The following FYN variants were observed in gnomAD, a reference collection of about 807,000 sequenced individuals.
FYN encodes FYN proto-oncogene, Src family tyrosine kinase.
Under a neutral mutation model 70.2 loss-of-function variants are expected in FYN, and 10 were observed. That is an observed-to-expected ratio of 0.14 (90% CI 0.09 to 0.24). The LOEUF is 0.24. Ranked by LOEUF, FYN falls within the 10% of genes least tolerant of loss-of-function variation. FYN has a pLI of 1.00. For synonymous variants in FYN, 236 were observed against 248.6 expected, an observed-to-expected ratio of 0.95 and a Z score of 0.48; for missense variants, 319 against 673.1, an observed-to-expected ratio of 0.47 and a Z score of 5.82.
intron 2 of FYN, among the ~76,000 whole-genome samples, chr6:111,799,371 T>C (rs1007001031): frequency 8.6e-5 from 13 of 151,950 alleles, no homozygotes; most frequent in Admixed American, 2.6e-4. Flanking sequence ...GAGGTGGAAA[T>C]AGAGGTGGGG....
At chr6:111,715,824 G>A (rs943855751) in intron 4 of FYN, among the ~76,000 whole-genome samples, 2 of 152,192 alleles carry the variant, frequency 1.3e-5, no homozygotes, top group African/African-American at 4.8e-5. Context: ...CACAGAAACT[G>A]TAAATTTAGG....
chr6:111,794,036 C>T (rs938648622), intron 2 of FYN: 1 of 152,338 alleles, frequency 6.6e-6, no homozygotes, highest in Non-Finnish European at 1.5e-5. Flanking sequence ...CTGTGGAGAC[C>T]TCACTCACCC....
chr6:111,814,816 C>T (rs1356911443), intron 2 of FYN, among the ~76,000 whole-genome samples: 1 of 152,172 alleles, frequency 6.6e-6, no homozygotes, highest in Non-Finnish European at 1.5e-5. Flanking sequence ...GGAAGTTCTA[C>T]TCTATATGGG....
At chr6:111,715,446 C>T (rs1800589699) in intron 4 of FYN, among the ~76,000 whole-genome samples, 2 of 152,146 alleles carry the variant, frequency 1.3e-5, no homozygotes, top group Admixed American at 1.3e-4. Flanking sequence ...CTCGTGCAAG[C>T]CCCTCCCCTT....
At chr6:111,710,298 C>A (rs895875289) in intron 5 of FYN, among the ~76,000 whole-genome samples, 1 of 152,152 alleles carries the variant, frequency 6.6e-6, no homozygotes, top group Non-Finnish European at 1.5e-5. Flanking sequence ...TCAATAGGGG[C>A]GGGAAGCCAA....
At position 111,714,387 on chromosome 6, in the gene FYN, T is replaced by C. The variant is rs1334899277; in HGVS notation, c.304A>G (p.Ser102Gly). ...DYEARTEDDL[S>G]FHKGEKFQIL... ...TGAAATTTTTCTCCTTTGTGAAAAC[T>C]CAGGTCATCTTCTGTCCGTGCTTCA... is the stretch of plus-strand genomic sequence containing the variant. Residue 102 changes from serine to glycine, a missense_variant, in exon 5 of 14, where the codon AGT (serine) becomes GGT (glycine). Physicochemically the swap from Ser to Gly is moderately conservative, Grantham distance 56 (BLOSUM62 0). Coordinates refer to ENST00000354650, the MANE Select transcript of FYN (RefSeq NM_002037.5). The C allele has an allele frequency of 2.5e-6, 4 of 1,614,098 alleles. No homozygotes were observed. The highest frequency in any genetic ancestry group is 3.4e-6 in the Non-Finnish European group (4 of 1,180,000).
chr6:111,786,652 A>G (rs945140866), intron 2 of FYN, among the ~76,000 whole-genome samples: 1 of 152,228 alleles, frequency 6.6e-6, no homozygotes, highest in Non-Finnish European at 1.5e-5. Flanking sequence ...TGTCTTTCAC[A>G]ATGGTTGAAC....
chr6:111,863,521 G>C (rs1774022496), intron 1 of FYN, among the ~76,000 whole-genome samples: 1 of 152,188 alleles, frequency 6.6e-6, no homozygotes, highest in Admixed American at 6.5e-5. Flanking sequence ...ACTTTCTGGG[G>C]ATTAAAAGAA....
intron 1 of FYN, among the ~76,000 whole-genome samples, chr6:111,849,410 C>T (rs900165326): frequency 6.6e-6 from 1 of 152,218 alleles, no homozygotes; most frequent in African/African-American, 2.4e-5. Flanking sequence ...CCGTCACCCC[C>T]CTGCACTGTT....
chr6:111,830,903 TTTGTAGACA>T (rs57448567), intron 2 of FYN, among the ~76,000 whole-genome samples: 7,170 of 151,998 alleles, frequency 0.047, 278 homozygotes, highest in East Asian at 0.14. Flanking sequence ...TAAAGATGGA[TTTGTAGACA>T]TTGTAGACAC....
rs913437652 is a variant in FYN, at chr6:111,694,145, TACCCACCC to T, written c.1273+222_1273+229del. Among the ~76,000 whole-genome samples, 4 of 152,026 alleles carry T rather than the reference TACCCACCC, an allele frequency of 2.6e-5. No homozygotes were observed. Among genetic ancestry groups the T allele is most frequent in the African/African-American group, 9.7e-5 (4 of 41,408 alleles). ...AGAGGACCACAGCAGCAAATACCAA[TACCCACCC>T]ACCCACCAAAAACCAATATCTCATC... On this transcript the variant is annotated intron_variant, in intron 12 of 13. Transcript: ENST00000354650. This position sits in a 1 kb window ranked among gnomAD's most constrained non-coding sequence, Gnocchi z 5.0.
intron 2 of FYN, among the ~76,000 whole-genome samples, chr6:111,840,474 A>C (rs1050395268): frequency 6.6e-6 from 1 of 152,210 alleles, no homozygotes; most frequent in Non-Finnish European, 1.5e-5. Flanking sequence ...CCATCTCTGA[A>C]GGTATCGTGG....
intron 12 of FYN, chr6:111,676,360 A>G (rs1028094456): frequency 6.6e-6 from 1 of 152,216 alleles, no homozygotes; most frequent in East Asian, 1.9e-4. Context: ...CCTTTTATGC[A>G]TGGAGTTATT....
intron 3 of FYN, among the ~76,000 whole-genome samples, chr6:111,779,121 A>AATTT (rs1228509638): frequency 1.1e-5 from 1 of 91,526 alleles, no homozygotes; most frequent in African/African-American, 4.2e-5. Flanking sequence ...AGTAGGAGAC[A>AATTT]TTTTTTTTTT....
intron 9 of FYN, 52 bp downstream of exon 9, chr6:111,700,051 TG>T: frequency 6.5e-7 from 1 of 1,547,024 alleles, no homozygotes. Context: ...CTTTGGTGTT[TG>T]GGATCTTCCA....
At chr6:111,864,968 C>A (rs1366328019) in intron 1 of FYN, among the ~76,000 whole-genome samples, 1 of 152,086 alleles carries the variant, frequency 6.6e-6, no homozygotes, top group East Asian at 1.9e-4. Context: ...CCTCCGAGTT[C>A]AATAAAATGG....
intron 2 of FYN, among the ~76,000 whole-genome samples, chr6:111,810,392 A>C (rs1458441803): frequency 6.6e-6 from 1 of 152,130 alleles, no homozygotes; most frequent in Admixed American, 6.5e-5. Flanking sequence ...CAGTCATGGG[A>C]TGTGAATCCA....
At chr6:111,674,685 G>A in intron 12 of FYN, 55 bp from the exon 13 acceptor site, 1 of 1,564,696 alleles carries the variant, frequency 6.4e-7, no homozygotes, top group South Asian at 1.2e-5. Context: ...AATGGGCATG[G>A]GGTGTGGGAG....
chr6:111,840,371 T>C (rs1189488189), intron 2 of FYN, among the ~76,000 whole-genome samples: 1 of 152,124 alleles, frequency 6.6e-6, no homozygotes, highest in Non-Finnish European at 1.5e-5. Context: ...GAGAAGGCAA[T>C]GTGAGGGCAG....
Sources: gnomAD v4.1 joint callset for allele counts (sites outside exome capture counted in the v4.1 genomes callset) on GRCh38, gnomAD v4.1.1 for gene constraint, Gnocchi (gnomAD v3.1) non-coding constraint, MANE v1.5 for transcripts, NCBI Gene and HGNC (gene_info 2026-07-23, HGNC 2026-07-21) for gene names.